TRABD2B: variants seen among roughly 807,000 people sequenced by gnomAD.
TRABD2B encodes TraB domain containing 2B, also known as metalloprotease TIKI2.
Under a neutral mutation model 40.1 loss-of-function variants are expected in TRABD2B, and 14 were observed. That is an observed-to-expected ratio of 0.35 (90% CI 0.23 to 0.55). The LOEUF is 0.55. Ranked by LOEUF, TRABD2B falls within the 20% of genes least tolerant of loss-of-function variation. TRABD2B has a pLI of 0.90. For synonymous variants in TRABD2B, 263 were observed against 277.0 expected (o/e 0.95, Z 0.50); for missense variants, 541 against 648.6 (o/e 0.83, Z 1.80).
intron 2 of TRABD2B, among the ~76,000 whole-genome samples, chr1:47,974,545 C>A (rs1328506357): frequency 3.3e-5 from 5 of 152,142 alleles, no homozygotes; most frequent in Admixed American, 3.3e-4. Flanking sequence ...TTTATTAATT[C>A]ATTGCTAAAT....
intron 2 of TRABD2B, among the ~76,000 whole-genome samples, chr1:47,962,542 T>C (rs1445334474): frequency 2.0e-5 from 3 of 152,134 alleles, no homozygotes; most frequent in Non-Finnish European, 4.4e-5. Context: ...CCCTTAATAA[T>C]AATATCAGCA....
chr1:47,989,775 A>AAC (rs1418139213), intron 2 of TRABD2B, among the ~76,000 whole-genome samples: 4 of 121,936 alleles, frequency 3.3e-5, no homozygotes, highest in Admixed American at 8.0e-5. Flanking sequence ...CACACACACA[A>AAC]ACACACACAC....
Position 47,994,351 on chromosome 1 carries a change from G to C in TRABD2B, c.349C>G (p.Leu117Val), listed in dbSNP as rs1646058001. Residue 117 changes from leucine to valine, a missense_variant, in exon 2 of 7, where the codon CTT becomes GTT. By Grantham distance (32) the Leu-to-Val change is conservative. This residue lies in a region of TRABD2B where 369 missense variants were observed against 492.8 expected (regional missense o/e 0.75). Transcript: ENST00000606738. This position sits in a 1 kb window ranked among gnomAD's most constrained non-coding sequence, Gnocchi z 6.7. ...AGGTGGCGCTTCAAGCGCCAGTAAA[G>C]CTCGTGGGGCAGCACGTCCTGCAGG... The part of the protein sequence containing the change: ...ENLQDVLPHE[L>V]YWRLKRHLDY... 6.5e-7 allele frequency: 1 copy of C among 1,536,106 alleles called. No homozygotes were observed. Among genetic ancestry groups the C allele is most frequent in the Non-Finnish European group, 8.7e-7 (1 of 1,146,930 alleles).
chr1:47,881,264 T>C (rs919426039), intron 2 of TRABD2B, among the ~76,000 whole-genome samples: 12 of 152,176 alleles, frequency 7.9e-5, no homozygotes, highest in African/African-American at 2.7e-4. Flanking sequence ...TGAGCTCATG[T>C]GAATGGATCT....
chr1:47,917,914 T>C (rs1644851214), intron 2 of TRABD2B, among the ~76,000 whole-genome samples: 1 of 152,132 alleles, frequency 6.6e-6, no homozygotes, highest in South Asian at 2.1e-4. Flanking sequence ...GTTGTTTTCA[T>C]GAAGAAGTGC....
intron 2 of TRABD2B, among the ~76,000 whole-genome samples, chr1:47,804,317 C>T (rs1644862436): frequency 6.6e-6 from 1 of 152,250 alleles, no homozygotes; most frequent in Non-Finnish European, 1.5e-5. Context: ...GAGGCAGTGG[C>T]CCTGTTGCTG....
At chr1:47,854,095 G>A (rs1285816917) in intron 2 of TRABD2B, among the ~76,000 whole-genome samples, 1 of 152,190 alleles carries the variant, frequency 6.6e-6, no homozygotes, top group East Asian at 1.9e-4. Flanking sequence ...GAAAGACATG[G>A]GTTTCAACTC....
chr1:47,788,575 A>G (rs1159903077), intron 4 of TRABD2B, among the ~76,000 whole-genome samples: 1 of 152,174 alleles, frequency 6.6e-6, no homozygotes, highest in Non-Finnish European at 1.5e-5. Context: ...AGTGATTTCC[A>G]TTCCTGGAAG....
Position 47,936,700 on chromosome 1 carries a change from T to C in TRABD2B, c.666+57334A>G, listed in dbSNP as rs796158043. 3.9e-5 allele frequency among the ~76,000 whole-genome samples: 6 copies of C among 152,352 alleles called. No individual in the cohort carries two copies. In the South Asian group the frequency reaches 1.2e-3, roughly 32 times the overall value. On this transcript the variant is annotated intron_variant, in intron 2 of 6. Coordinates refer to ENST00000606738, the MANE Select transcript of TRABD2B (RefSeq NM_001194986.2). ...AAAGGTATTCTGTTTCCTCCGCTTATGAGCTGCGTGATCTTGGCCAAGTTA... is the reference window on the plus strand; with the variant it reads ...AAAGGTATTCTGTTTCCTCCGCTTACGAGCTGCGTGATCTTGGCCAAGTTA...
rs148339370 is a variant in TRABD2B, at chr1:47,973,589, T to C, written c.666+20445A>G. Among the ~76,000 whole-genome samples the C allele has an allele frequency of 6.1e-4, 93 of 152,266 alleles. No homozygotes were observed. In the East Asian group the frequency reaches 8.3e-3, roughly 14 times the overall value. On this transcript the variant is annotated intron_variant, in intron 2 of 6. Coordinates refer to ENST00000606738, the MANE Select transcript of TRABD2B (RefSeq NM_001194986.2). ...ACCACCATGGACCAAAATGTGCAAGTGCCACCCCAGATTCTTGAAATCTCC... is the reference window on the plus strand; with the variant it reads ...ACCACCATGGACCAAAATGTGCAAGCGCCACCCCAGATTCTTGAAATCTCC...
At chr1:47,865,419 T>C (rs1025755079) in intron 2 of TRABD2B, among the ~76,000 whole-genome samples, 1 of 152,088 alleles carries the variant, frequency 6.6e-6, no homozygotes, top group Non-Finnish European at 1.5e-5. Context: ...CACTGGGATA[T>C]GGGGCCTGCT....
At chr1:47,770,311 A>G (rs1644361515) in intron 6 of TRABD2B, among the ~76,000 whole-genome samples, 1 of 152,152 alleles carries the variant, frequency 6.6e-6, no homozygotes, top group South Asian at 2.1e-4. Context: ...AGCAGGTCGG[A>G]TGAGAGATCC....
At chr1:47,963,840 C>T (rs1421567748) in intron 2 of TRABD2B, among the ~76,000 whole-genome samples, 1 of 152,160 alleles carries the variant, frequency 6.6e-6, no homozygotes, top group East Asian at 1.9e-4. Context: ...AAAGAACACC[C>T]CGGAGTTTAC....
At chr1:47,937,126 C>T (rs1173706645) in intron 2 of TRABD2B, among the ~76,000 whole-genome samples, 4 of 147,894 alleles carry the variant, frequency 2.7e-5, no homozygotes, top group African/African-American at 1.0e-4. Context: ...ATGATCATCA[C>T]CATCACCATC....
In TRABD2B at chr1:47,966,052, C is replaced by T. The variant is rs1645597873; in HGVS notation, c.666+27982G>A. ...ACATGTCACTTGAAGAACTGTCTGGCGCTGTTTACAAAAAGGCCTATTAAG... is the reference window on the plus strand; with the variant it reads ...ACATGTCACTTGAAGAACTGTCTGGTGCTGTTTACAAAAAGGCCTATTAAG... On this transcript the variant is annotated intron_variant, in intron 2 of 6. Coordinates refer to ENST00000606738, the MANE Select transcript of TRABD2B (RefSeq NM_001194986.2). Among the ~76,000 whole-genome samples the T allele has an allele frequency of 2.6e-5, 4 of 152,316 alleles. No homozygotes were observed. The South Asian group carries it at 6.2e-4, about 24-fold the overall frequency.
chr1:47,960,768 T>C (rs1242970610), intron 2 of TRABD2B, among the ~76,000 whole-genome samples: 2 of 152,016 alleles, frequency 1.3e-5, no homozygotes, highest in Non-Finnish European at 2.9e-5. Context: ...ATCAATATCG[T>C]GAAAATGGCC....
chr1:47,782,563 C>A (rs984108286), intron 4 of TRABD2B, among the ~76,000 whole-genome samples: 5 of 152,196 alleles, frequency 3.3e-5, no homozygotes, highest in Admixed American at 1.3e-4. Context: ...AGTGAAAAAA[C>A]CTGTTACTCC....
intron 6 of TRABD2B, among the ~76,000 whole-genome samples, chr1:47,768,956 C>T (rs1380446294): frequency 2.6e-5 from 4 of 152,190 alleles, no homozygotes; most frequent in Non-Finnish European, 5.9e-5. Flanking sequence ...GCCAAGGAGC[C>T]GTCCCTGAAT....
At chr1:47,826,243 A>G (rs920554036) in intron 2 of TRABD2B, among the ~76,000 whole-genome samples, 2 of 152,164 alleles carry the variant, frequency 1.3e-5, no homozygotes, top group Non-Finnish European at 2.9e-5. Context: ...CTATCTTTCT[A>G]GTTGAAAGGA....
Sources: gnomAD v4.1 joint callset for allele counts (sites outside exome capture counted in the v4.1 genomes callset) on GRCh38, gnomAD v4.1.1 for gene constraint, gnomAD v4.1.1 regional missense constraint, Gnocchi (gnomAD v3.1) non-coding constraint, MANE v1.5 for transcripts, NCBI Gene and HGNC (gene_info 2026-07-23, HGNC 2026-07-21) for gene names.